Variants in GRIN2A observed in about 807,000 individuals in gnomAD.
The protein encoded by GRIN2A is glutamate receptor ionotropic, NMDA 2A.
Under a neutral mutation model 113.4 loss-of-function variants are expected in GRIN2A, and 22 were observed. That is an observed-to-expected ratio of 0.19 (90% CI 0.14 to 0.28). The LOEUF (loss-of-function observed/expected upper bound fraction) is 0.28. Among genes scored for constraint, GRIN2A ranks in the 10% least tolerant of loss-of-function variants. GRIN2A has a pLI of 1.00. For synonymous variants in GRIN2A, 827 were observed against 738.4 expected, an observed-to-expected ratio of 1.12 and a Z score of -1.94; for missense variants, 1,502 against 1,887.0, an observed-to-expected ratio of 0.80 and a Z score of 3.78.
intron 2 of GRIN2A, among the ~76,000 whole-genome samples, chr16:9,954,108 T>C (rs1252926580): frequency 6.6e-6 from 1 of 152,160 alleles, no homozygotes; most frequent in Admixed American, 6.5e-5. Flanking sequence ...GAGAAACTTG[T>C]GCCAGAAAAC....
intron 4 of GRIN2A, among the ~76,000 whole-genome samples, chr16:9,861,539 T>G (rs2043068345): frequency 1.3e-5 from 2 of 152,174 alleles, no homozygotes; most frequent in Admixed American, 6.5e-5. Flanking sequence ...CAGATCTAAA[T>G]GTAATTGATC....
At chr16:9,930,392 A>G (rs907440885) in intron 3 of GRIN2A, among the ~76,000 whole-genome samples, 1 of 152,222 alleles carries the variant, frequency 6.6e-6, no homozygotes, top group African/African-American at 2.4e-5. Flanking sequence ...GGGTTTGAAC[A>G]CAGCACTGTC....
intron 4 of GRIN2A, among the ~76,000 whole-genome samples, chr16:9,878,360 T>C (rs113324876): frequency 1.1e-4 from 17 of 152,364 alleles, no homozygotes; most frequent in African/African-American, 3.1e-4. Context: ...GAAATAATTA[T>C]ACTTAGAACT....
chr16:10,077,711 G>A (rs1320250632), intron 2 of GRIN2A, among the ~76,000 whole-genome samples: 2 of 152,110 alleles, frequency 1.3e-5, no homozygotes, highest in Admixed American at 1.3e-4. Flanking sequence ...AGCCAGCTTG[G>A]CCTCTTAAAT....
chr16:10,177,272 G>A (rs925294903), intron 2 of GRIN2A, among the ~76,000 whole-genome samples: 4 of 152,108 alleles, frequency 2.6e-5, no homozygotes, highest in East Asian at 1.9e-4. Context: ...CTCAAAATAC[G>A]ACCTTTTAAA....
chr16:9,990,559 GCGCGCACACACACA>G (rs2046089408), intron 2 of GRIN2A, among the ~76,000 whole-genome samples: 2 of 94,568 alleles, frequency 2.1e-5, no homozygotes. Flanking sequence ...GCGCGCGCGC[GCGCGCACACACACA>G]CACACACACA....
At chr16:10,121,864 T>C (rs552299896) in intron 2 of GRIN2A, among the ~76,000 whole-genome samples, 3 of 152,160 alleles carry the variant, frequency 2.0e-5, no homozygotes, top group Admixed American at 6.5e-5. Context: ...TTACTTAATA[T>C]GAAAGATTTC....
intron 2 of GRIN2A, among the ~76,000 whole-genome samples, chr16:10,009,455 T>C (rs1433240838): frequency 2.0e-5 from 3 of 152,060 alleles, no homozygotes; most frequent in African/African-American, 7.3e-5. Context: ...CATACTGTAA[T>C]AGAGTATGCG....
intron 2 of GRIN2A, among the ~76,000 whole-genome samples, chr16:10,004,810 C>G (rs999202681): frequency 6.6e-6 from 1 of 152,156 alleles, no homozygotes; most frequent in Admixed American, 6.5e-5. Flanking sequence ...AGATGCTTAA[C>G]TTAATCACAT....
At chr16:9,828,377 A>T (rs1275738805) in intron 9 of GRIN2A, among the ~76,000 whole-genome samples, 1 of 152,222 alleles carries the variant, frequency 6.6e-6, no homozygotes, top group African/African-American at 2.4e-5. Context: ...AGCTCTCTTG[A>T]CAAGATTCTT....
At chr16:10,112,157 G>T in intron 2 of GRIN2A, 1 of 588,252 alleles carries the variant, frequency 1.7e-6, no homozygotes, top group South Asian at 1.7e-5. Flanking sequence ...AATACTGCCT[G>T]GACCTGCTCA....
chr16:10,112,401 C>G, intron 2 of GRIN2A: 1 of 706,498 alleles, frequency 1.4e-6, no homozygotes, highest in Admixed American at 1.9e-5. Flanking sequence ...CTGCGGTCAG[C>G]CCCAGGGCAC....
chr16:9,909,127 C>G (rs11866892), intron 3 of GRIN2A, among the ~76,000 whole-genome samples: 4,278 of 152,168 alleles, frequency 0.028, 186 homozygotes, highest in African/African-American at 0.096. Flanking sequence ...GCAAGGAGGA[C>G]CAAGTCATGT....
chr16:9,896,287 G>A (rs542877254), intron 3 of GRIN2A, among the ~76,000 whole-genome samples: 1 of 152,284 alleles, frequency 6.6e-6, no homozygotes, highest in South Asian at 2.1e-4. Flanking sequence ...GACATCAAAT[G>A]ATCCACCTGC....
rs748399499 is a variant in GRIN2A at position 9,841,120 on chromosome 16, C to T, written c.1329-16G>A. On this transcript the variant is annotated splice_polypyrimidine_tract_variant and intron_variant, in intron 5 of 12. Transcript: ENST00000330684. ...GGTTGAATTGCTGTAAAGAAAAACC[C>T]CAAGACCACAGAATGTTAGCACTGG... The T allele has an allele frequency of 6.2e-7, 1 of 1,605,826 alleles. No homozygotes were observed. Among genetic ancestry groups the T allele is most frequent in the Non-Finnish European group, 8.5e-7 (1 of 1,172,584 alleles).
At chr16:10,068,765 G>A (rs933066958) in intron 2 of GRIN2A, among the ~76,000 whole-genome samples, 3 of 152,186 alleles carry the variant, frequency 2.0e-5, no homozygotes, top group Non-Finnish European at 4.4e-5. Flanking sequence ...AAAGGACAGA[G>A]GCCAGAGACT....
At chr16:9,805,512 A>G (rs2141251579) in intron 10 of GRIN2A, 1 of 152,314 alleles carries the variant, frequency 6.6e-6, no homozygotes, top group African/African-American at 2.4e-5. Flanking sequence ...AGAGGAACAC[A>G]TTAGCACTTG....
chr16:9,804,859 T>C (rs186053698), intron 10 of GRIN2A, among the ~76,000 whole-genome samples: 5 of 152,238 alleles, frequency 3.3e-5, no homozygotes, highest in Admixed American at 2.0e-4. Context: ...CACAAATGAT[T>C]AGAAATGACA....
chr16:10,108,598 C>T (rs980215761), intron 2 of GRIN2A, among the ~76,000 whole-genome samples: 2 of 152,164 alleles, frequency 1.3e-5, no homozygotes, highest in Non-Finnish European at 2.9e-5. Flanking sequence ...TTTGTGTTCA[C>T]GGTTACACGT....
Sources: allele counts gnomAD v4.1 joint callset (sites outside exome capture counted in the v4.1 genomes callset), GRCh38; gene constraint gnomAD v4.1.1; transcripts MANE v1.5; gene names NCBI Gene and HGNC (gene_info 2026-07-23, HGNC 2026-07-21).